ANHX: variants seen among roughly 807,000 people sequenced by gnomAD.
The protein encoded by ANHX is anomalous homeobox protein.
Under a neutral mutation model 38.9 loss-of-function variants are expected in ANHX, and 20 were observed. The ratio of observed to expected loss-of-function variants is 0.51; its 90% CI spans 0.36 to 0.75. ANHX has a LOEUF of 0.75. Ranked by LOEUF, ANHX falls within the 30% of genes least tolerant of loss-of-function variation. ANHX has a pLI of 0.00. For synonymous variants in ANHX, 185 were observed against 203.1 expected (o/e 0.91, Z 0.76); for missense variants, 475 against 493.1 (o/e 0.96, Z 0.35).
At chr12:133,233,387 T>C (rs1392019112) in intron 2 of ANHX, among the ~76,000 whole-genome samples, 1 of 152,172 alleles carries the variant, frequency 6.6e-6, no homozygotes, top group Non-Finnish European at 1.5e-5. Context: ...CAATGAATTA[T>C]GTATGGACTG....
Position 133,227,113 on chromosome 12 carries a change from C to T in ANHX, c.541G>A (p.Val181Met), listed in dbSNP as rs775987624. 1 of 1,535,994 alleles carries T rather than the reference C, an allele frequency of 6.5e-7. No individual in the cohort carries two copies. Among genetic ancestry groups the T allele is most frequent in the Non-Finnish European group, 8.7e-7 (1 of 1,146,804 alleles). The part of the protein sequence containing the change: ...ALETSLTPEQ[V>M]YNWFANYRRR... The stretch of plus-strand genomic sequence containing the variant: ...CGGTAATTGGCAAACCAGTTGTACA[C>T]CTGCTCAGGGGTCAAGCTCGTCTCC... The change falls in exon 5 of 10, where the codon GTG becomes ATG. Residue 181 changes from valine to methionine, a missense_variant. Physicochemically the swap from Val to Met is conservative, Grantham distance 21 (BLOSUM62 1). Transcript: ENST00000545940.
intron 2 of ANHX, among the ~76,000 whole-genome samples, chr12:133,233,504 G>A (rs938160242): frequency 6.6e-6 from 1 of 152,144 alleles, no homozygotes; most frequent in Non-Finnish European, 1.5e-5. Context: ...AGCAAGTAAC[G>A]CAGGCATCCA....
Position 133,227,805 on chromosome 12 carries a change from G to C in ANHX, c.501+19C>G. On this transcript the variant is annotated intron_variant, in intron 4 of 9. Coordinates refer to ENST00000545940, the MANE Select transcript of ANHX (RefSeq NM_001372060.1). ...ACCAGGCAGGGACCCCCTGGGTCCTGGGTATCTTCTATTCTTACCCTCTCA... is the reference window on the plus strand; with the variant it reads ...ACCAGGCAGGGACCCCCTGGGTCCTCGGTATCTTCTATTCTTACCCTCTCA... The C allele has an allele frequency of 6.5e-7, 1 of 1,535,522 alleles. No homozygotes were observed. Among genetic ancestry groups the C allele is most frequent in the Non-Finnish European group, 8.7e-7 (1 of 1,146,520 alleles).
chr12:133,223,371 G>A (rs1403897795), intron 7 of ANHX, among the ~76,000 whole-genome samples: 1 of 151,592 alleles, frequency 6.6e-6, no homozygotes, highest in Non-Finnish European at 1.5e-5. Flanking sequence ...TGAAAACATG[G>A]AAGCAGGAAC....
intron 9 of ANHX, 85 bp from the exon 10 acceptor site, chr12:133,219,056 G>C: frequency 2.3e-6 from 3 of 1,307,402 alleles, no homozygotes; most frequent in Non-Finnish European, 3.1e-6. Context: ...CCTGACCTTG[G>C]GAAGACCCCC....
intron 1 of ANHX, chr12:133,235,053 C>T (rs1957345542): frequency 6.6e-6 from 1 of 152,060 alleles, no homozygotes; most frequent in South Asian, 2.1e-4. Flanking sequence ...AGGCTGCGCG[C>T]TCCCTGGCGA....
rs1957113946 is a variant in ANHX at position 133,221,990 on chromosome 12, T to A, written c.1133-638A>T. On this transcript the variant is annotated intron_variant, in intron 7 of 9. Coordinates refer to ENST00000545940, the MANE Select transcript of ANHX (RefSeq NM_001372060.1). This position sits in a 1 kb window ranked among gnomAD's most constrained non-coding sequence, Gnocchi z 4.1. ...AACAAGCATTAAGATGGCCCTGATC[T>A]CAAGACATGGAACAAGCGGCCTGGG... 6.6e-6 allele frequency among the ~76,000 whole-genome samples: 1 copy of A among 152,152 alleles called. No homozygotes were observed. The highest frequency in any genetic ancestry group is 1.5e-5 in the Non-Finnish European group (1 of 68,034).
chr12:133,227,226 A>C, intron 4 of ANHX, 74 bp from the exon 5 acceptor site: 1 of 1,443,734 alleles, frequency 6.9e-7, no homozygotes, highest in Non-Finnish European at 9.2e-7. Flanking sequence ...AGTGGCTCAG[A>C]CAGCTCATTT....
At chr12:133,226,191 G>C (rs1304352580) in intron 6 of ANHX, 127 bp downstream of exon 6, 7 of 1,437,374 alleles carry the variant, frequency 4.9e-6, no homozygotes, top group Non-Finnish European at 6.5e-6. Context: ...CCTCTCCCTG[G>C]GGTCTGACCT....
Position 133,219,009 on chromosome 12 carries a change from T to G in ANHX, c.1366-38A>C, listed in dbSNP as rs1488089821. On this transcript the variant is annotated intron_variant, in intron 9 of 9. Coordinates refer to ENST00000545940, the MANE Select transcript of ANHX (RefSeq NM_001372060.1). ...ACAGTGGTAAACACAGAGGCTTCCT[T>G]TCCAGGCTCAAGACCTGCCCTCCCA... 2.7e-6 allele frequency: 4 copies of G among 1,503,290 alleles called. No individual in the cohort carries two copies. In the African/African-American group the frequency reaches 5.5e-5, roughly 21 times the overall value. 93.1% of individuals were successfully genotyped at this position (1,503,290 alleles called of 1,614,324 possible).
In ANHX at chr12:133,225,651, T is replaced by C. The variant is rs1957179727; in HGVS notation, c.1017A>G (p.Glu339=). Among the ~76,000 whole-genome samples the C allele has an allele frequency of 6.6e-6, 1 of 152,192 alleles. No homozygotes were observed. The highest frequency in any genetic ancestry group is 2.4e-5 in the African/African-American group (1 of 41,454). Residue 339 remains glutamate (E), a synonymous_variant, in exon 7 of 10, where the codon GAA becomes GAG. Transcript: ENST00000545940. ...LMSLALASSK[E]VSFQTGQLVH... ...CCAGCTGCCCAGTCTGGAAGGAAAC[T>C]TCCTTGGAGGACGCCAGTGCAAGAG... is the stretch of plus-strand genomic sequence containing the variant.
At position 133,223,197 on chromosome 12, in the gene ANHX, A is replaced by AAT. The variant is rs1555306722; in HGVS notation, c.1133-1847_1133-1846dup. On this transcript the variant is annotated intron_variant, in intron 7 of 9. Coordinates refer to ENST00000545940, the MANE Select transcript of ANHX (RefSeq NM_001372060.1). The stretch of plus-strand genomic sequence containing the variant: ...AGATCAAAACTCCGCCTCAAAAAAA[A>AAT]ATATATATATATATAACTGTTAAAG... 5.1e-3 allele frequency among the ~76,000 whole-genome samples: 771 copies of AAT among 150,960 alleles called. 8 individuals are homozygous for AAT. Among genetic ancestry groups the AAT allele is most frequent in the African/African-American group, 0.018 (727 of 41,110 alleles).
intron 3 of ANHX, 139 bp downstream of exon 3, chr12:133,231,378 G>A: frequency 8.3e-7 from 1 of 1,209,264 alleles, no homozygotes; most frequent in Non-Finnish European, 1.1e-6. Context: ...ACTACACTGT[G>A]ACTATTACTG....
intron 8 of ANHX, among the ~76,000 whole-genome samples, chr12:133,220,099 C>T (rs1957088780): frequency 1.3e-5 from 2 of 152,076 alleles, no homozygotes; most frequent in South Asian, 2.1e-4. Context: ...CAGGGAGAGG[C>T]GAAAGGCAGG....
rs781255966 is a variant in ANHX, at chr12:133,234,127, G to A, written c.230C>T (p.Ala77Val). Residue 77 changes from alanine to valine, a missense_variant, in exon 2 of 10, where the codon GCG becomes GTG. Coordinates refer to ENST00000545940, the MANE Select transcript of ANHX (RefSeq NM_001372060.1). ...GCCTACCTCCAGGAGGCGGCAAGCCGCCTGCTGCTGCTCCTGCTGGTCCAG... is the reference window on the plus strand; with the variant it reads ...GCCTACCTCCAGGAGGCGGCAAGCCACCTGCTGCTGCTCCTGCTGGTCCAG... ...RVLDQQEQQQ[A>V]ACRLLEGCQV... is the part of the protein sequence containing the mutation. 1.1e-5 allele frequency: 17 copies of A among 1,535,684 alleles called. No individual in the cohort carries two copies. Among genetic ancestry groups the A allele is most frequent in the South Asian group, 2.4e-5 (2 of 84,036 alleles).
chr12:133,231,684 C>A, intron 2 of ANHX, 40 bp from the exon 3 acceptor site: 1 of 1,534,600 alleles, frequency 6.5e-7, no homozygotes, highest in Admixed American at 2.0e-5. Context: ...CACCTGCCCA[C>A]CCTGGAGCAC....
chr12:133,230,597 C>T (rs145141242), intron 3 of ANHX, among the ~76,000 whole-genome samples: 2,466 of 152,212 alleles, frequency 0.016, 65 homozygotes, highest in African/African-American at 0.056. Context: ...GGAAATATAG[C>T]AAGACCCTGT....
intron 3 of ANHX, 69 bp from the exon 4 acceptor site, chr12:133,228,016 G>A: frequency 6.6e-7 from 1 of 1,509,778 alleles, no homozygotes; most frequent in Non-Finnish European, 8.9e-7. Context: ...CTCCAGGCCT[G>A]GCCCTCTGCA....
At chr12:133,231,488 A>G (rs757757113) in intron 3 of ANHX, 29 bp downstream of exon 3, 2 of 1,535,890 alleles carry the variant, frequency 1.3e-6, no homozygotes, top group Non-Finnish European at 1.7e-6. Flanking sequence ...TCCCCATGAA[A>G]TATGCACAAG....
Sources: allele counts gnomAD v4.1 joint callset (sites outside exome capture counted in the v4.1 genomes callset), GRCh38; gene constraint gnomAD v4.1.1; non-coding constraint Gnocchi (gnomAD v3.1); transcripts MANE v1.5; gene names NCBI Gene and HGNC (gene_info 2026-07-23, HGNC 2026-07-21).